Variants in RBM25 observed in about 807,000 individuals in gnomAD.
The protein encoded by RBM25 is RNA-binding protein 25.
Under a neutral mutation model 120.7 loss-of-function variants are expected in RBM25, and 19 were observed. The ratio of observed to expected loss-of-function variants is 0.16; its 90% confidence interval spans 0.11 to 0.23. RBM25 has a LOEUF of 0.23. RBM25 is among the 10% of genes least tolerant of loss of function. The pLI, the probability that RBM25 is intolerant of heterozygous loss-of-function variation, is 1.00. For synonymous variants in RBM25, 390 were observed against 326.7 expected (o/e 1.19, Z -2.09); for missense variants, 605 against 1,041.5 (o/e 0.58, Z 5.77).
chr14:73,085,961 C>G (rs1895675193), intron 5 of RBM25, among the ~76,000 whole-genome samples: 1 of 151,574 alleles, frequency 6.6e-6, no homozygotes, highest in Non-Finnish European at 1.5e-5. Context: ...CTTAAATTGT[C>G]TCTGCACTTT....
chr14:73,100,607 G>A (rs1205657180), intron 9 of RBM25: 3 of 296,968 alleles, frequency 1.0e-5, no homozygotes, highest in Non-Finnish European at 1.9e-5. Flanking sequence ...ATAATAAGGT[G>A]TTGCTGGTTC....
At chr14:73,081,033 C>T (rs760776642) in intron 4 of RBM25, among the ~76,000 whole-genome samples, 3 of 151,978 alleles carry the variant, frequency 2.0e-5, no homozygotes, top group Non-Finnish European at 2.9e-5. Flanking sequence ...CCAGGTTTGC[C>T]AGGCTGGTCT....
rs755350832 is a variant in RBM25 at position 73,107,846 on chromosome 14, A to G, written c.1488A>G (p.Leu496=). 46 of 1,601,062 alleles carry G rather than the reference A, an allele frequency of 2.9e-5. No homozygotes were observed. Among genetic ancestry groups the G allele is most frequent in the Middle Eastern group, 1.7e-4 (1 of 6,050 alleles). ...RREMAKEAKR[L]KEFLEDYDDD... is the part of the protein sequence containing the mutation. Reference sequence around the variant, plus strand: ...CAAAGGCCAAAGAAGCTAAACGACTAAAAGAATTCTTAGAAGACTATGATG... The same window carrying G: ...CAAAGGCCAAAGAAGCTAAACGACTGAAAGAATTCTTAGAAGACTATGATG... The change falls in exon 13 of 19, where the codon CTA becomes CTG. Residue 496 remains leucine, a synonymous_variant. Transcript: ENST00000261973.
At chr14:73,078,957 A>G (rs1895491467) in intron 4 of RBM25, among the ~76,000 whole-genome samples, 1 of 152,156 alleles carries the variant, frequency 6.6e-6, no homozygotes, top group Admixed American at 6.5e-5. Context: ...TTAAACAATG[A>G]TTTTAGCATC....
chr14:73,086,353 G>A (rs1025805754), intron 5 of RBM25, among the ~76,000 whole-genome samples: 1 of 151,216 alleles, frequency 6.6e-6, no homozygotes, highest in African/African-American at 2.4e-5. Context: ...CAGGAGAATC[G>A]CTTCAACCCG....
intron 6 of RBM25, among the ~76,000 whole-genome samples, chr14:73,094,039 C>T (rs1340006867): frequency 6.7e-6 from 1 of 150,068 alleles, no homozygotes; most frequent in Admixed American, 6.6e-5. Flanking sequence ...GCAAGCTCCG[C>T]CTCCCGGGTT....
At chr14:73,079,640 C>T (rs1045027655) in intron 4 of RBM25, among the ~76,000 whole-genome samples, 4 of 150,462 alleles carry the variant, frequency 2.7e-5, no homozygotes, top group African/African-American at 9.7e-5. Flanking sequence ...TCCTTATGCC[C>T]CTCTGAGATG....
rs574828265 is a variant in RBM25, at chr14:73,112,374, T to C, written c.2391+124T>C. 4 of 897,690 alleles carry C rather than the reference T, an allele frequency of 4.5e-6. No individual in the cohort carries two copies. In the East Asian group the frequency reaches 1.3e-4, roughly 30 times the overall value. The allele number at this position is 897,690 out of a possible 1,614,324, so 55.6% of individuals were successfully genotyped here. A position where few individuals can be genotyped will look rare whatever the true frequency, so the allele number is the denominator to read the frequency against. ...GATGGTTTAGGTTCAGTTAAGTGAT[T>C]TATATCTGCTTTTTTAAAGTTATTT... is the stretch of plus-strand genomic sequence containing the variant. On this transcript the variant is annotated intron_variant, in intron 17 of 18. Transcript: ENST00000261973.
chr14:73,068,279 G>T, intron 1 of RBM25: 1 of 844,580 alleles, frequency 1.2e-6, no homozygotes, highest in East Asian at 2.6e-5. Flanking sequence ...AATAGATTTG[G>T]TTTGTGGGTC....
Position 73,068,388 on chromosome 14 carries a change from T to TG in RBM25, c.-15-3239_-15-3238insG, listed in dbSNP as rs1189978780. 885 of 89,798 alleles carry TG rather than the reference T, an allele frequency of 9.9e-3. 5 individuals are homozygous for TG. The African/African-American group carries it at 0.11, about 11-fold the overall frequency. The allele number at this position is 89,798 out of a possible 1,614,324, so 5.6% of individuals were successfully genotyped here. On this transcript the variant is annotated intron_variant, in intron 1 of 18. Transcript: ENST00000261973. ...ATGGAGAGACAATGCTTGTATTTGA[T>TG]TTTTTTTTTTTTTTTTTGGTTCATT... is the stretch of plus-strand genomic sequence containing the variant.
chr14:73,123,054 G>A lies in RBM25; in HGVS notation c.*3249G>A, dbSNP rs139821923. ...ATATTCTAGGCTTTTTTTCCATCCAGCCCTGAAAATTTTTTCTGTAGATAA... is the reference window on the plus strand; with the variant it reads ...ATATTCTAGGCTTTTTTTCCATCCAACCCTGAAAATTTTTTCTGTAGATAA... On this transcript the variant is annotated 3_prime_UTR_variant, in exon 19 of 19. Coordinates refer to ENST00000261973, the MANE Select transcript of RBM25 (RefSeq NM_021239.3). 27 of 151,952 alleles carry A rather than the reference G, an allele frequency of 1.8e-4. No homozygotes were observed. Among genetic ancestry groups the A allele is most frequent in the African/African-American group, 5.3e-4 (22 of 41,444 alleles). 9.4% of individuals were successfully genotyped at this position (151,952 alleles called of 1,614,324 possible). A position where few individuals can be genotyped will look rare whatever the true frequency, so the allele number is the denominator to read the frequency against.
At chr14:73,086,745 C>T (rs1895694901) in intron 5 of RBM25, among the ~76,000 whole-genome samples, 1 of 152,072 alleles carries the variant, frequency 6.6e-6, no homozygotes, top group South Asian at 2.1e-4. Flanking sequence ...CTGTCTGTTG[C>T]CCAGGCTGGA....
intron 1 of RBM25, among the ~76,000 whole-genome samples, chr14:73,062,525 G>C (rs1477900928): frequency 6.6e-6 from 1 of 151,346 alleles, no homozygotes; most frequent in Non-Finnish European, 1.5e-5. Context: ...TACAATAGAG[G>C]AATGCTTATT....
intron 18 of RBM25, among the ~76,000 whole-genome samples, chr14:73,118,793 A>G (rs1294060014): frequency 1.3e-5 from 2 of 151,274 alleles, no homozygotes; most frequent in Admixed American, 6.6e-5. Flanking sequence ...TTAGAGACGG[A>G]GTTTTGCTCT....
intron 4 of RBM25, among the ~76,000 whole-genome samples, chr14:73,078,982 T>C (rs1895492052): frequency 6.6e-6 from 1 of 152,256 alleles, no homozygotes; most frequent in African/African-American, 2.4e-5. Flanking sequence ...GATGATTGAC[T>C]GATTCCTTTT....
At position 73,094,843 on chromosome 14, in the gene RBM25, C is replaced by G. The variant is rs61985150; in HGVS notation, c.544-2072C>G. 5.1e-3 allele frequency among the ~76,000 whole-genome samples: 405 copies of G among 79,864 alleles called. 3 individuals carry two copies. The highest frequency in any genetic ancestry group is 0.014 in the African/African-American group (347 of 24,390). The allele number at this position is 79,864 out of a possible 152,430, so 52.4% of individuals were successfully genotyped here. ...TGTGTGTGTGTGTGTGTGTGTGTGT[C>G]TGTGTGTGTGTGTGTGTTTTTGATG... On this transcript the variant is annotated intron_variant, in intron 6 of 18. Transcript: ENST00000261973.
intron 4 of RBM25, among the ~76,000 whole-genome samples, chr14:73,080,213 C>CT (rs766461418): frequency 0.069 from 4,613 of 66,970 alleles, 1,532 homozygotes; most frequent in East Asian, 0.16. Flanking sequence ...TCTTACACAT[C>CT]TTTTTTTTTT....
At position 73,114,283 on chromosome 14, in the gene RBM25, T is replaced by C; in HGVS notation, c.2392-3T>C. 6.5e-7 allele frequency: 1 copy of C among 1,540,006 alleles called. No homozygotes were observed. The highest frequency in any genetic ancestry group is 8.8e-7 in the Non-Finnish European group (1 of 1,141,562). ...TAATGTGACAATTATTTTTCTCTTT[T>C]AGGTTATGGCTCATAGTTCACCCCA... On this transcript the variant is annotated splice_polypyrimidine_tract_variant and splice_region_variant and intron_variant, in intron 17 of 18. Coordinates refer to ENST00000261973, the MANE Select transcript of RBM25 (RefSeq NM_021239.3).
intron 4 of RBM25, 31 bp downstream of exon 4, chr14:73,077,567 ATTT>A: frequency 1.3e-6 from 2 of 1,516,050 alleles, no homozygotes; most frequent in Non-Finnish European, 8.8e-7. Flanking sequence ...TTCATTAAAA[ATTT>A]TTTTATCATT....
Sources: allele counts gnomAD v4.1 joint callset (sites outside exome capture counted in the v4.1 genomes callset), GRCh38; gene constraint gnomAD v4.1.1; transcripts MANE v1.5; gene names NCBI Gene and HGNC (gene_info 2026-07-23, HGNC 2026-07-21).